Variants in PDXDC1 observed in about 807,000 individuals in gnomAD.
PDXDC1 encodes pyridoxal-dependent decarboxylase domain-containing protein 1.
Under a neutral mutation model 100.1 loss-of-function variants are expected in PDXDC1, and 42 were observed. The observed-to-expected ratio is 0.42, with a 90% CI of 0.33 to 0.54. PDXDC1 has a LOEUF of 0.54. Among genes scored for constraint, PDXDC1 ranks in the 20% least tolerant of loss-of-function variants. The probability of loss-of-function intolerance (pLI) is 0.10; values close to 1 mark genes in which losing one functional copy is unlikely to be tolerated. For synonymous variants in PDXDC1, 260 were observed against 371.7 expected, an observed-to-expected ratio of 0.70 and a Z score of 3.46; for missense variants, 636 against 979.2, an observed-to-expected ratio of 0.65 and a Z score of 4.68.
chr16:15,074,011 A>G (rs1053831346), intron 16 of PDXDC1, among the ~76,000 whole-genome samples: 2 of 152,156 alleles, frequency 1.3e-5, no homozygotes, highest in Non-Finnish European at 2.9e-5. Context: ...ACTAAAAAAT[A>G]CTCTCCTACA....
chr16:15,149,487 T>C, the PDXDC1 span, among the ~76,000 whole-genome samples: 4 of 152,194 alleles, frequency 2.6e-5, no homozygotes, highest in Admixed American at 6.5e-5. Flanking sequence ...GGAAGCTGTG[T>C]CTGTGGCAGT....
At chr16:15,096,186 G>A (rs918695908) in intron 16 of PDXDC1, among the ~76,000 whole-genome samples, 1 of 151,718 alleles carries the variant, frequency 6.6e-6, no homozygotes, top group Admixed American at 6.6e-5. Context: ...TTGGCTCACT[G>A]CATCCTCTGC....
At chr16:14,982,483 T>TCC (rs1968215902) in intron 1 of PDXDC1, among the ~76,000 whole-genome samples, 1 of 152,214 alleles carries the variant, frequency 6.6e-6, no homozygotes, top group Non-Finnish European at 1.5e-5. Context: ...ATTAGCCAGG[T>TCC]GTGGTGGCTC....
intron 16 of PDXDC1, among the ~76,000 whole-genome samples, chr16:15,053,062 C>T (rs955654394): frequency 1.3e-5 from 2 of 152,120 alleles, no homozygotes; most frequent in South Asian, 2.1e-4. Context: ...GCTGTCTGCT[C>T]GGCACTTGAA....
chr16:15,047,537 GGT>G, intron 16 of PDXDC1: 1 of 1,613,308 alleles, frequency 6.2e-7, no homozygotes, highest in Non-Finnish European at 8.5e-7. Flanking sequence ...GTGTCAAGCA[GGT>G]GGCCCCATTA....
intron 16 of PDXDC1, chr16:15,133,951 T>C: frequency 7.1e-7 from 1 of 1,399,262 alleles, no homozygotes; most frequent in African/African-American, 1.4e-5. Flanking sequence ...AGCGTGAAGG[T>C]GTATCCCTCG....
At chr16:15,080,768 C>A (rs549561541) in intron 16 of PDXDC1, among the ~76,000 whole-genome samples, 1 of 152,130 alleles carries the variant, frequency 6.6e-6, no homozygotes, top group East Asian at 1.9e-4. Context: ...ATCCTACATC[C>A]ATTAGTGCAC....
chr16:15,046,853 C>G (rs796786580), intron 16 of PDXDC1, among the ~76,000 whole-genome samples: 1 of 151,926 alleles, frequency 6.6e-6, no homozygotes, highest in African/African-American at 2.4e-5. Context: ...CCAGACAGGG[C>G]GACACAGCAA....
At chr16:15,139,663 T>C (rs1174640799), downstream of PDXDC1, among the ~76,000 whole-genome samples, 1 of 151,738 alleles carries the variant, frequency 6.6e-6, no homozygotes, top group Non-Finnish European at 1.5e-5. Context: ...GAGCTGTAGT[T>C]CCAACTACTC....
chr16:15,150,162 G>C, the PDXDC1 span, among the ~76,000 whole-genome samples: 1 of 151,794 alleles, frequency 6.6e-6, no homozygotes, highest in Admixed American at 6.6e-5. Context: ...GGCTAACACG[G>C]TGAAACCCCG....
rs1472969039 is a variant in PDXDC1 at position 15,133,554 on chromosome 16, A to G, written c.1400-5325A>G. ...ACCACCACGGCCAGGCCCACCTCGA[A>G]GTGTGGCCTGAAACCCGGGGGCAGC... On this transcript the variant is annotated intron_variant, in intron 16 of 16. Coordinates refer to the PDXDC1 transcript ENST00000535621. 3 of 1,006,680 alleles carry G rather than the reference A, an allele frequency of 3.0e-6. No homozygotes were observed. The East Asian group carries it at 7.8e-5, about 26-fold the overall frequency. 62.4% of individuals were successfully genotyped at this position (1,006,680 alleles called of 1,614,324 possible).
At chr16:15,055,928 G>T in intron 16 of PDXDC1, 1 of 1,233,136 alleles carries the variant, frequency 8.1e-7, no homozygotes, top group South Asian at 3.9e-5. Context: ...GTCCCCGGCT[G>T]ACTGCGGCAG....
chr16:15,041,159 A>G (rs1208154534), downstream of PDXDC1: 2 of 1,226,120 alleles, frequency 1.6e-6, no homozygotes, highest in African/African-American at 3.0e-5. Context: ...CTTTTTAAAG[A>G]AATACCAAAT....
At chr16:15,039,125 AAAG>A (rs879290995), downstream of PDXDC1, among the ~76,000 whole-genome samples, 1 of 152,244 alleles carries the variant, frequency 6.6e-6, no homozygotes, top group African/African-American at 2.4e-5. Flanking sequence ...TGCCCCATCA[AAAG>A]AAGAAGCTAA....
intron 16 of PDXDC1, chr16:15,110,711 C>A (rs539906349): frequency 1.3e-6 from 2 of 1,587,974 alleles, no homozygotes; most frequent in Admixed American, 1.7e-5. Context: ...GGGACTCCAA[C>A]AGAACCATAC....
chr16:15,039,919 T>C (rs200454068), downstream of PDXDC1: 106 of 1,065,524 alleles, frequency 9.9e-5, no homozygotes, highest in Middle Eastern at 1.2e-3. Context: ...GCCTTGACAT[T>C]TGATGCCTTT....
intron 16 of PDXDC1, chr16:15,138,397 G>A (rs1598287501): frequency 1.2e-5 from 2 of 166,300 alleles, no homozygotes; most frequent in Non-Finnish European, 1.1e-5. Context: ...CTCTGCCAGC[G>A]CCGAGAGGTT....
intron 16 of PDXDC1, chr16:15,134,230 AG>A: frequency 1.1e-6 from 1 of 941,170 alleles, no homozygotes. Context: ...GCTGCAATTG[AG>A]GCAGCGGCCC....
At chr16:15,001,270 C>T (rs577656286) in intron 3 of PDXDC1, among the ~76,000 whole-genome samples, 160 of 152,306 alleles carry the variant, frequency 1.1e-3, no homozygotes, top group African/African-American at 3.4e-3. Flanking sequence ...GGGTGGATCA[C>T]TTGAAGCCAG....
Sources: allele counts gnomAD v4.1 joint callset (sites outside exome capture counted in the v4.1 genomes callset), GRCh38; gene constraint gnomAD v4.1.1; transcripts MANE v1.5; gene names NCBI Gene and HGNC (gene_info 2026-07-23, HGNC 2026-07-21).